The following MYOM1 variants were observed in gnomAD, a reference collection of about 807,000 sequenced individuals.
MYOM1 encodes the protein myomesin-1.
Under a neutral mutation model 205.3 loss-of-function variants are expected in MYOM1, and 164 were observed. The ratio of observed to expected loss-of-function variants is 0.80; its 90% CI spans 0.70 to 0.91. The LOEUF is 0.91. MYOM1 is among the 40% of genes least tolerant of loss of function. The pLI, the probability that MYOM1 is intolerant of heterozygous loss-of-function variation, is 0.00. For synonymous variants in MYOM1, 772 were observed against 789.4 expected (o/e 0.98, Z 0.37); for missense variants, 2,011 against 2,127.3 (o/e 0.95, Z 1.08).
intron 2 of MYOM1, among the ~76,000 whole-genome samples, chr18:3,202,028 A>T (rs532719711): frequency 6.6e-6 from 1 of 152,340 alleles, no homozygotes; most frequent in African/African-American, 2.4e-5. Context: ...CATAGTTGTA[A>T]TATACTTGAC....
chr18:3,109,273 G>A (rs924545813), intron 22 of MYOM1, among the ~76,000 whole-genome samples: 3 of 152,134 alleles, frequency 2.0e-5, no homozygotes, highest in Non-Finnish European at 2.9e-5. Context: ...GTGAATCACC[G>A]TACCTAGCCA....
chr18:3,114,418 C>T (rs1389121418), intron 21 of MYOM1, among the ~76,000 whole-genome samples: 6 of 151,770 alleles, frequency 4.0e-5, no homozygotes, highest in African/African-American at 1.5e-4. Context: ...CGTTCTGTTG[C>T]CCGGGCTGGA....
At chr18:3,227,812 T>C in the MYOM1 span, among the ~76,000 whole-genome samples, 1 of 152,026 alleles carries the variant, frequency 6.6e-6, no homozygotes, top group African/African-American at 2.4e-5. Flanking sequence ...CGAGACTCCA[T>C]CTCAAAAAAA....
intron 5 of MYOM1, among the ~76,000 whole-genome samples, chr18:3,180,448 T>A (rs763462029): frequency 1.3e-5 from 2 of 152,198 alleles, no homozygotes; most frequent in Non-Finnish European, 2.9e-5. Flanking sequence ...TTCCACCCAG[T>A]GAGGCATTTA....
intron 14 of MYOM1, among the ~76,000 whole-genome samples, chr18:3,138,281 G>A (rs575977576): frequency 2.6e-5 from 4 of 152,032 alleles, no homozygotes; most frequent in East Asian, 1.9e-4. Context: ...TCCAGATCTC[G>A]TGACAGGTTG....
chr18:3,239,360 T>C, the MYOM1 span, among the ~76,000 whole-genome samples: 7 of 152,310 alleles, frequency 4.6e-5, no homozygotes, highest in East Asian at 1.4e-3. Flanking sequence ...AGCCATTATC[T>C]TCTCAGTGAC....
intron 27 of MYOM1, among the ~76,000 whole-genome samples, chr18:3,089,964 T>C (rs2079200478): frequency 6.6e-6 from 1 of 152,214 alleles, no homozygotes; most frequent in Non-Finnish European, 1.5e-5. Context: ...TTGCATATTT[T>C]TCTTCTCAAT....
At chr18:3,195,708 T>C (rs928268865) in intron 2 of MYOM1, among the ~76,000 whole-genome samples, 4 of 152,246 alleles carry the variant, frequency 2.6e-5, no homozygotes, top group Non-Finnish European at 5.9e-5. Flanking sequence ...AAAATAGCTA[T>C]GATTTGTTAT....
At chr18:3,207,284 A>G (rs183818151) in intron 2 of MYOM1, among the ~76,000 whole-genome samples, 124 of 152,324 alleles carry the variant, frequency 8.1e-4, no homozygotes, top group Admixed American at 5.0e-3. Context: ...ACTTCTGACT[A>G]TTCCATAAGT....
At chr18:3,130,059 T>G (rs1180847515) in intron 17 of MYOM1, among the ~76,000 whole-genome samples, 1 of 151,948 alleles carries the variant, frequency 6.6e-6, no homozygotes, top group Non-Finnish European at 1.5e-5. Context: ...TTCTTTTTTT[T>G]TTTTTTGGAG....
chr18:3,102,415 T>G, intron 23 of MYOM1, 59 bp downstream of exon 23: 2 of 1,475,800 alleles, frequency 1.4e-6, no homozygotes, highest in Non-Finnish European at 1.8e-6. Context: ...AAATCAGAGC[T>G]CACCTCATTC....
chr18:3,143,973 G>A (rs1373162204), intron 13 of MYOM1, among the ~76,000 whole-genome samples: 4 of 149,968 alleles, frequency 2.7e-5, no homozygotes, highest in East Asian at 2.0e-4. Flanking sequence ...TTGGGAGGCC[G>A]AGGAGGGTGG....
chr18:3,150,043 C>T (rs532797509), intron 12 of MYOM1, among the ~76,000 whole-genome samples: 6 of 152,066 alleles, frequency 3.9e-5, no homozygotes, highest in Non-Finnish European at 7.4e-5. Context: ...ACACGGTTGC[C>T]GGGGAAATGG....
At chr18:3,075,373 G>A (rs2143641966) in intron 36 of MYOM1, 81 bp downstream of exon 36, 1 of 1,328,496 alleles carries the variant, frequency 7.5e-7, no homozygotes, top group East Asian at 2.3e-5. Context: ...TCCTCCATCT[G>A]TAGTTATAAT....
chr18:3,079,372 A>G (rs1195395708), intron 33 of MYOM1, 30 bp from the exon 34 acceptor site: 15 of 1,591,156 alleles, frequency 9.4e-6, no homozygotes, highest in Non-Finnish European at 1.3e-5. Flanking sequence ...CTTCCTTAGC[A>G]TTTGCTTCCA....
At chr18:3,246,156 T>A in the MYOM1 span, 1 of 152,234 alleles carries the variant, frequency 6.6e-6, no homozygotes, top group Non-Finnish European at 1.5e-5. Context: ...CTCTAAAGTG[T>A]CCTCTGGAGA....
intron 10 of MYOM1, among the ~76,000 whole-genome samples, chr18:3,159,751 A>G (rs186137780): frequency 3.3e-5 from 5 of 152,356 alleles, no homozygotes; most frequent in African/African-American, 9.6e-5. Context: ...AGATCCAGAA[A>G]TGTCCAGAAA....
intron 20 of MYOM1, among the ~76,000 whole-genome samples, chr18:3,118,928 C>T (rs1396280974): frequency 3.9e-5 from 6 of 152,106 alleles, no homozygotes; most frequent in South Asian, 2.1e-4. Flanking sequence ...GCAAAGGCAA[C>T]GTGATGGTCT....
the MYOM1 span, among the ~76,000 whole-genome samples, chr18:3,243,060 C>T: frequency 6.6e-6 from 1 of 152,048 alleles, no homozygotes; most frequent in African/African-American, 2.4e-5. Flanking sequence ...TTTATCATCC[C>T]TGACTTTAAT....
Sources: gnomAD v4.1 joint callset for allele counts (sites outside exome capture counted in the v4.1 genomes callset) on GRCh38, gnomAD v4.1.1 for gene constraint, MANE v1.5 for transcripts, NCBI Gene and HGNC (gene_info 2026-07-23, HGNC 2026-07-21) for gene names.